WIPF1: variants seen among roughly 807,000 people sequenced by gnomAD.
WIPF1 encodes the protein WAS/WASL interacting protein family member 1.
In WIPF1, 13 loss-of-function variants were observed where a neutral mutation model predicts 35.4. That is an observed-to-expected ratio of 0.37 (90% confidence interval 0.24 to 0.58). The LOEUF (loss-of-function observed/expected upper bound fraction) is 0.58. Ranked by LOEUF, WIPF1 falls within the 20% of genes least tolerant of loss-of-function variation. The pLI is 0.74. For synonymous variants in WIPF1, 267 were observed against 266.3 expected, an observed-to-expected ratio of 1.00 and a Z score of -0.02; for missense variants, 591 against 667.0, an observed-to-expected ratio of 0.89 and a Z score of 1.25.
At chr2:174,647,640 A>G (rs1228916074) in intron 1 of WIPF1, among the ~76,000 whole-genome samples, 2 of 81,796 alleles carry the variant, frequency 2.4e-5, no homozygotes, top group African/African-American at 9.7e-5. Context: ...CCCAAAGTGG[A>G]CCCTGTCTTA....
chr2:174,643,280 GC>G (rs1216372004), intron 1 of WIPF1, among the ~76,000 whole-genome samples: 1 of 149,632 alleles, frequency 6.7e-6, no homozygotes, highest in Non-Finnish European at 1.5e-5. Context: ...ATGGAAAAAT[GC>G]TATTCAAATA....
At chr2:174,633,400 C>G (rs1045312570) in intron 1 of WIPF1, among the ~76,000 whole-genome samples, 11 of 152,214 alleles carry the variant, frequency 7.2e-5, no homozygotes, top group Non-Finnish European at 2.9e-5. Context: ...CCTGATCTTG[C>G]TCTCCTCTCC....
intron 1 of WIPF1, among the ~76,000 whole-genome samples, chr2:174,670,919 C>T (rs534435525): frequency 5.3e-5 from 8 of 152,316 alleles, no homozygotes; most frequent in South Asian, 4.1e-4. Flanking sequence ...TAGTTAGCGA[C>T]GACCTCTGCC....
chr2:174,569,687 G>A (rs1414850435), intron 5 of WIPF1, among the ~76,000 whole-genome samples: 1 of 152,152 alleles, frequency 6.6e-6, no homozygotes, highest in Non-Finnish European at 1.5e-5. Context: ...CAGGAAATAA[G>A]ATAACCACTA....
intron 7 of WIPF1, among the ~76,000 whole-genome samples, chr2:174,566,005 T>A (rs1018528108): frequency 6.6e-6 from 1 of 152,136 alleles, no homozygotes; most frequent in African/African-American, 2.4e-5. Flanking sequence ...TGCCTCAGCC[T>A]CCTGAGTAGC....
chr2:174,602,860 T>C (rs533474331), intron 1 of WIPF1, among the ~76,000 whole-genome samples: 1 of 152,328 alleles, frequency 6.6e-6, no homozygotes, highest in Admixed American at 6.5e-5. Context: ...TATAATCACG[T>C]CCATTTGTTT....
chr2:174,644,898 C>T (rs1687372170), intron 1 of WIPF1, among the ~76,000 whole-genome samples: 1 of 152,020 alleles, frequency 6.6e-6, no homozygotes, highest in Admixed American at 6.5e-5. Context: ...ATTTTTAAAG[C>T]TTTGATATCA....
intron 1 of WIPF1, among the ~76,000 whole-genome samples, chr2:174,637,718 C>T (rs1420391266): frequency 2.6e-5 from 4 of 152,150 alleles, no homozygotes; most frequent in African/African-American, 4.8e-5. Context: ...ACCCGGGAGG[C>T]GGAGCTTGCA....
intron 1 of WIPF1, among the ~76,000 whole-genome samples, chr2:174,609,858 G>A (rs1272068893): frequency 1.3e-5 from 2 of 152,192 alleles, no homozygotes; most frequent in Non-Finnish European, 2.9e-5. Flanking sequence ...GGGCAGTGGA[G>A]ACCACCACAG....
Position 174,606,748 on chromosome 2 carries a change from C to T in WIPF1, c.-38-21137G>A, listed in dbSNP as rs185007892. Among the ~76,000 whole-genome samples the T allele has an allele frequency of 1.6e-4, 24 of 152,248 alleles. No homozygotes were observed. In the East Asian group the frequency reaches 4.2e-3, roughly 27 times the overall value. ...AGAAGAGCTAAATTGGCTTCTCTTC[C>T]CCGAGGTCTTAGTGCTAACACTTCT... On this transcript the variant is annotated intron_variant, in intron 1 of 8. Coordinates refer to the WIPF1 transcript ENST00000272746.
chr2:174,668,608 G>C (rs1687943982), intron 1 of WIPF1, among the ~76,000 whole-genome samples: 1 of 152,088 alleles, frequency 6.6e-6, no homozygotes, highest in Admixed American at 6.6e-5. Flanking sequence ...GTCTATGATG[G>C]GTATCAGGGC....
At chr2:174,669,040 G>A (rs1676798752) in intron 1 of WIPF1, among the ~76,000 whole-genome samples, 1 of 152,204 alleles carries the variant, frequency 6.6e-6, no homozygotes, top group Non-Finnish European at 1.5e-5. Flanking sequence ...GGTTCAATAA[G>A]TTCATTCAGA....
chr2:174,595,082 T>C (rs1188382268), intron 1 of WIPF1, among the ~76,000 whole-genome samples: 1 of 13,990 alleles, frequency 7.1e-5, no homozygotes, highest in Non-Finnish European at 1.6e-4. Context: ...GGGACCCTCA[T>C]CTCTACAAAA....
chr2:174,562,997 A>G (rs967252925), intron 7 of WIPF1, among the ~76,000 whole-genome samples: 5 of 152,156 alleles, frequency 3.3e-5, no homozygotes, highest in Non-Finnish European at 7.3e-5. Flanking sequence ...TTCCAGAAAT[A>G]AGATCATATA....
At chr2:174,670,666 A>G (rs1687995468) in intron 1 of WIPF1, among the ~76,000 whole-genome samples, 1 of 152,206 alleles carries the variant, frequency 6.6e-6, no homozygotes, top group African/African-American at 2.4e-5. Context: ...TCTGCTGCTG[A>G]GCCAAAACAG....
intron 1 of WIPF1, chr2:174,676,220 T>C (rs1688127204): frequency 6.6e-6 from 1 of 151,596 alleles, no homozygotes; most frequent in South Asian, 2.1e-4. Context: ...CTGCTTTTAT[T>C]ATTTTTAAGA....
At chr2:174,676,245 G>A (rs1688127780) in intron 1 of WIPF1, 1 of 145,762 alleles carries the variant, frequency 6.9e-6, no homozygotes, top group Non-Finnish European at 1.5e-5. Flanking sequence ...TATAATAATT[G>A]TACATATTTA....
chr2:174,621,159 AC>A (rs1482144009), intron 1 of WIPF1, among the ~76,000 whole-genome samples: 1 of 152,232 alleles, frequency 6.6e-6, no homozygotes, highest in Non-Finnish European at 1.5e-5. Context: ...CTGTGTTGGT[AC>A]AGACAACCAG....
intron 1 of WIPF1, among the ~76,000 whole-genome samples, chr2:174,618,378 G>A (rs1428797855): frequency 6.6e-6 from 1 of 152,180 alleles, no homozygotes; most frequent in Non-Finnish European, 1.5e-5. Context: ...TTAGCACTAG[G>A]GAAACAAGAG....
Sources: gnomAD v4.1 joint callset for allele counts (sites outside exome capture counted in the v4.1 genomes callset) on GRCh38, gnomAD v4.1.1 for gene constraint, MANE v1.5 for transcripts, NCBI Gene and HGNC (gene_info 2026-07-23, HGNC 2026-07-21) for gene names.